Variants in SCAMP5 observed in about 807,000 individuals in gnomAD.
SCAMP5 encodes the protein secretory carrier membrane protein 5, also known as secretory carrier-associated membrane protein 5.
Under a neutral mutation model 28.3 loss-of-function variants are expected in SCAMP5, and 7 were observed. The observed-to-expected ratio is 0.25, with a 90% CI of 0.14 to 0.46. The LOEUF is 0.46. Ranked by LOEUF, SCAMP5 falls within the 20% of genes least tolerant of loss-of-function variation. The pLI is 0.99. For missense variants in SCAMP5, 192 were observed against 312.5 expected, an observed-to-expected ratio of 0.61 and a Z score of 2.91; for synonymous variants, 117 against 116.4, an observed-to-expected ratio of 1.00 and a Z score of -0.03.
rs75456468 is a variant in SCAMP5, at chr15:75,010,599, G to C, written c.-48-1193G>C. Reference sequence around the variant, plus strand: ...AGTCCAAAGCGGGAAGATTGCTTGAGGCCAGGAATTTGAGACCAGCTGTGC... The same window carrying C: ...AGTCCAAAGCGGGAAGATTGCTTGACGCCAGGAATTTGAGACCAGCTGTGC... On this transcript the variant is annotated intron_variant, in intron 1 of 6. Coordinates refer to ENST00000425597, the MANE Select transcript of SCAMP5 (RefSeq NM_138967.4). 5.2e-3 allele frequency among the ~76,000 whole-genome samples: 799 copies of C among 152,226 alleles called. 8 individuals carry two copies. The highest frequency in any genetic ancestry group is 0.018 in the African/African-American group (746 of 41,524).
At chr15:75,010,318 A>G (rs1417041491) in intron 1 of SCAMP5, among the ~76,000 whole-genome samples, 2 of 152,014 alleles carry the variant, frequency 1.3e-5, no homozygotes, top group Non-Finnish European at 2.9e-5. Flanking sequence ...CTCATCTCAC[A>G]CAGGCTTGTC....
intron 3 of SCAMP5, among the ~76,000 whole-genome samples, chr15:75,014,188 A>T (rs1321218530): frequency 6.6e-6 from 1 of 152,156 alleles, no homozygotes; most frequent in African/African-American, 2.4e-5. Context: ...GTGGTAAAAT[A>T]TACTGTCTTT....
chr15:75,002,490 G>C (rs1033900567), intron 1 of SCAMP5, among the ~76,000 whole-genome samples: 6 of 151,878 alleles, frequency 4.0e-5, no homozygotes, highest in Non-Finnish European at 8.8e-5. Flanking sequence ...TATATTGTCA[G>C]CCAGGCTTCT....
chr15:75,018,296 G>A lies in SCAMP5; in HGVS notation c.396-122G>A, dbSNP rs1427685178. 2 of 746,138 alleles carry A rather than the reference G, an allele frequency of 2.7e-6. No homozygotes were observed. The highest frequency in any genetic ancestry group is 4.9e-6 in the Non-Finnish European group (2 of 406,706). The allele number at this position is 746,138 out of a possible 1,614,324, so 46.2% of individuals were successfully genotyped here. ...CAGGTTCTTTGGGTATCAGTAAGAT[G>A]GTCCCTCTGCATCCAGTGATATGTT... On this transcript the variant is annotated intron_variant, in intron 5 of 6. Transcript: ENST00000425597. This position sits in a 1 kb window ranked among gnomAD's most constrained non-coding sequence, Gnocchi z 5.6.
chr15:75,016,216 A>G (rs1380496587), intron 3 of SCAMP5, among the ~76,000 whole-genome samples: 1 of 151,972 alleles, frequency 6.6e-6, no homozygotes, highest in Non-Finnish European at 1.5e-5. Flanking sequence ...GGCCCTTCAA[A>G]GGGGCTTGCT....
Position 75,016,760 on chromosome 15 carries a change from G to T in SCAMP5, c.293+11G>T. The T allele has an allele frequency of 6.2e-7, 1 of 1,610,532 alleles. No individual in the cohort carries two copies. On this transcript the variant is annotated intron_variant, in intron 4 of 6. Transcript: ENST00000425597. ...TTACAAGGCCTTCAAGTAAGTGGTT[G>T]GTGCTATCCGCAGTGCCTAGCCGTC...
rs60910940 is a variant in SCAMP5, at chr15:75,012,717, G to A, written c.48G>A (p.Pro16=). Residue 16 remains proline, a synonymous_variant, in exon 3 of 7, where the codon CCG becomes CCA. Transcript: ENST00000425597. ...NNFPPLPKFI[P]LKPCFYQDFE... is the part of the protein sequence containing the mutation. ...TCCCACCATTGCCCAAATTCATCCC[G>A]CTGAAGCCATGTTTCTACCAAGACT... 3.7e-6 allele frequency: 6 copies of A among 1,613,772 alleles called. No homozygotes were observed. The Admixed American group carries it at 6.7e-5, about 18-fold the overall frequency.
chr15:75,011,176 A>G (rs947859821), intron 1 of SCAMP5, among the ~76,000 whole-genome samples: 1 of 152,086 alleles, frequency 6.6e-6, no homozygotes, highest in African/African-American at 2.4e-5. Flanking sequence ...ACTGCACTCC[A>G]GCCTGGGCAA....
chr15:75,006,509 C>T (rs1390474957), intron 1 of SCAMP5, among the ~76,000 whole-genome samples: 5 of 151,822 alleles, frequency 3.3e-5, no homozygotes, highest in Non-Finnish European at 2.9e-5. Flanking sequence ...AACAATTGGC[C>T]GGGCACTGTG....
In SCAMP5 at chr15:75,019,126, T is replaced by G; in HGVS notation, c.*143T>G. 2.1e-6 allele frequency: 1 copy of G among 483,300 alleles called. No homozygotes were observed. The highest frequency in any genetic ancestry group is 4.5e-5 in the South Asian group (1 of 22,414). 29.9% of individuals were successfully genotyped at this position (483,300 alleles called of 1,614,324 possible). On this transcript the variant is annotated 3_prime_UTR_variant, in exon 7 of 7. Transcript: ENST00000425597. ...GTACAAAGGACCAGAGTTATATATA[T>G]ATATATATGTATATGTCTGTACCCC...
intron 1 of SCAMP5, among the ~76,000 whole-genome samples, chr15:75,009,441 T>TTGTGTGTGTGTGTGTGTGTGTG (rs3057655): frequency 7.3e-6 from 1 of 136,064 alleles, no homozygotes; most frequent in Non-Finnish European, 1.6e-5. Flanking sequence ...TGCTAGAAGT[T>TTGTGTGTGTGTGTGTGTGTGTG]TGTGTGTGTG....
chr15:75,008,434 CTT>C (rs75937887), intron 1 of SCAMP5, among the ~76,000 whole-genome samples: 8 of 138,428 alleles, frequency 5.8e-5, no homozygotes, highest in East Asian at 2.1e-4. Flanking sequence ...TTGTGCTCTG[CTT>C]TTTTTTTTTT....
chr15:75,009,382 A>G (rs574354904), intron 1 of SCAMP5, among the ~76,000 whole-genome samples: 2 of 151,358 alleles, frequency 1.3e-5, no homozygotes, highest in Non-Finnish European at 2.9e-5. Context: ...GAGTCCGAAG[A>G]TTGTAATTGC....
chr15:74,998,966 A>G (rs2065677798), intron 1 of SCAMP5, among the ~76,000 whole-genome samples: 1 of 152,082 alleles, frequency 6.6e-6, no homozygotes. Flanking sequence ...TGAGGCCCCT[A>G]TGTTCTAGTT....
At chr15:75,012,559 G>A in intron 2 of SCAMP5, 118 bp from the exon 3 acceptor site, 1 of 1,227,278 alleles carries the variant, frequency 8.1e-7, no homozygotes. Flanking sequence ...GGTGGGGAAA[G>A]CAGAGTGGCC....
Position 75,000,678 on chromosome 15 carries a change from C to T in SCAMP5, c.-49+5005C>T, listed in dbSNP as rs1470958210. Among the ~76,000 whole-genome samples, 5 of 134,400 alleles carry T rather than the reference C, an allele frequency of 3.7e-5. No individual in the cohort carries two copies. In the East Asian group the frequency reaches 1.1e-3, roughly 30 times the overall value. The allele number at this position is 134,400 out of a possible 152,430, so 88.2% of individuals were successfully genotyped here. On this transcript the variant is annotated intron_variant, in intron 1 of 6. Transcript: ENST00000425597. ...GGATTACAGGCGTGAGCCATCGCAC[C>T]CAGCCTTTTTTTTTTTTTTTTTTTG...
chr15:75,008,232 A>G (rs986798705), intron 1 of SCAMP5, among the ~76,000 whole-genome samples: 1 of 152,076 alleles, frequency 6.6e-6, no homozygotes, highest in Non-Finnish European at 1.5e-5. Flanking sequence ...CAAGTATATT[A>G]AAAAAACTTA....
rs766417239 is a variant in SCAMP5, at chr15:75,018,485, A to G, written c.463A>G (p.Thr155Ala). 2 of 1,613,640 alleles carry G rather than the reference A, an allele frequency of 1.2e-6. No individual in the cohort carries two copies. The highest frequency in any genetic ancestry group is 2.2e-5 in the East Asian group (1 of 44,870). ...CTCGGCGGTGGTGATGCTAATTCCC[A>G]CTGTCATGTTCACAGTGATGGCCGT... ...IGSAVVMLIP[T>A]VMFTVMAVFS... Residue 155 changes from threonine (T) to alanine (A), a missense_variant, in exon 6 of 7, where the codon ACT (threonine) becomes GCT (alanine). Physicochemically the swap from Thr to Ala is moderately conservative, Grantham distance 58. Coordinates refer to ENST00000425597, the MANE Select transcript of SCAMP5 (RefSeq NM_138967.4). This position sits in a 1 kb window ranked among gnomAD's most constrained non-coding sequence, Gnocchi z 5.6.
chr15:75,017,569 C>T (rs2065869912), intron 4 of SCAMP5: 2 of 555,996 alleles, frequency 3.6e-6, no homozygotes, highest in Admixed American at 6.8e-5. Context: ...GACAATGAGA[C>T]TATTTATTCC....
Sources: allele counts gnomAD v4.1 joint callset (sites outside exome capture counted in the v4.1 genomes callset), GRCh38; gene constraint gnomAD v4.1.1; non-coding constraint Gnocchi (gnomAD v3.1); transcripts MANE v1.5; gene names NCBI Gene and HGNC (gene_info 2026-07-23, HGNC 2026-07-21).